KIRREL3: variants seen among roughly 807,000 people sequenced by gnomAD.
The protein encoded by KIRREL3 is kirre like nephrin family adhesion molecule 3, also known as kin of IRRE-like protein 3.
In KIRREL3, 36 loss-of-function variants were observed where a neutral mutation model predicts 89.7. That is an observed-to-expected ratio of 0.40 (90% CI 0.31 to 0.53). The LOEUF is 0.53. Among genes scored for constraint, KIRREL3 ranks in the 20% least tolerant of loss-of-function variants. KIRREL3 has a pLI of 0.49. For missense variants in KIRREL3, 864 were observed against 1,056.6 expected (o/e 0.82, Z 2.53); for synonymous variants, 445 against 441.4 (o/e 1.01, Z -0.10).
rs1241091253 is a variant in KIRREL3 at position 126,605,743 on chromosome 11, G to A, written c.56-42831C>T. 6.6e-6 allele frequency among the ~76,000 whole-genome samples: 1 copy of A among 152,260 alleles called. No homozygotes were observed. The highest frequency in any genetic ancestry group is 1.5e-5 in the Non-Finnish European group (1 of 68,050). On this transcript the variant is annotated intron_variant, in intron 1 of 16. Coordinates refer to ENST00000525144, the MANE Select transcript of KIRREL3 (RefSeq NM_032531.4). This position sits in a 1 kb window ranked among gnomAD's most constrained non-coding sequence, Gnocchi z 5.7. ...CGCCTGAGTTGAGTAGGGATGCTGG[G>A]AGTGGGAATGGGGTGGGGAAAGCAT...
chr11:126,637,445 C>T (rs1375676509), intron 1 of KIRREL3, among the ~76,000 whole-genome samples: 1 of 152,186 alleles, frequency 6.6e-6, no homozygotes, highest in Non-Finnish European at 1.5e-5. Flanking sequence ...TATGGGTCAG[C>T]CTCTGGGTAC....
chr11:126,488,964 T>C (rs1479512425), intron 4 of KIRREL3, among the ~76,000 whole-genome samples: 1 of 152,246 alleles, frequency 6.6e-6, no homozygotes, highest in Non-Finnish European at 1.5e-5. Context: ...CCTGGATCTG[T>C]GGCTCTCTCC....
At chr11:126,442,313 AACACACACACACACACAC>A (rs71984147) in intron 10 of KIRREL3, among the ~76,000 whole-genome samples, 4 of 136,550 alleles carry the variant, frequency 2.9e-5, no homozygotes, top group South Asian at 2.5e-4. Context: ...AGACACACAA[AACACACACACACACACAC>A]ACACACACAC....
At chr11:126,436,221 A>G (rs1955330107) in intron 12 of KIRREL3, among the ~76,000 whole-genome samples, 1 of 152,044 alleles carries the variant, frequency 6.6e-6, no homozygotes, top group African/African-American at 2.4e-5. Context: ...ACAGGGGTCC[A>G]TGTGCCTCCT....
rs757321179 is a variant in KIRREL3, at chr11:126,668,757, T to TTTC, written c.56-105848_56-105846dup. 2.8e-5 allele frequency among the ~76,000 whole-genome samples: 3 copies of TTTC among 105,714 alleles called. No homozygotes were observed. The highest frequency in any genetic ancestry group is 2.2e-4 in the Admixed American group (2 of 9,256). 69.4% of individuals were successfully genotyped at this position (105,714 alleles called of 152,430 possible). On this transcript the variant is annotated intron_variant, in intron 1 of 16. Coordinates refer to ENST00000525144, the MANE Select transcript of KIRREL3 (RefSeq NM_032531.4). This position sits in a 1 kb window ranked among gnomAD's most constrained non-coding sequence, Gnocchi z 4.4. ...TCTTTCTTTCTTTCTTTCTTTCTTT[T>TTTC]TTCTCTTTCTTTCTTTCAAAAAAGT... is the stretch of plus-strand genomic sequence containing the variant.
chr11:126,893,032 C>T (rs992584903), intron 1 of KIRREL3, among the ~76,000 whole-genome samples: 1 of 152,150 alleles, frequency 6.6e-6, no homozygotes, highest in East Asian at 1.9e-4. Flanking sequence ...GTCGTAATTT[C>T]CCCCGTTGTT....
rs923077459 is a variant in KIRREL3 at position 126,656,812 on chromosome 11, G to A, written c.56-93900C>T. Among the ~76,000 whole-genome samples, 23 of 152,188 alleles carry A rather than the reference G, an allele frequency of 1.5e-4. No homozygotes were observed. The highest frequency in any genetic ancestry group is 5.5e-4 in the African/African-American group (23 of 41,452). ...CATGCCTGTGGTCCCAGCACTTTGG[G>A]AGGCCAAGGTGTGTGCATCGCTTGG... On this transcript the variant is annotated intron_variant, in intron 1 of 16. Transcript: ENST00000525144. The surrounding 1 kb of genome is among the most constrained non-coding windows in gnomAD (Gnocchi z 4.0).
Position 126,635,676 on chromosome 11 carries a change from A to G in KIRREL3, c.56-72764T>C, listed in dbSNP as rs780321039. Among the ~76,000 whole-genome samples, 5 of 152,150 alleles carry G rather than the reference A, an allele frequency of 3.3e-5. No homozygotes were observed. The highest frequency in any genetic ancestry group is 7.4e-5 in the Non-Finnish European group (5 of 68,022). Reference sequence around the variant, plus strand: ...AAGATGTGGCTTTGACCCCAGCTGGATATCTGCTCACGTCATCAAAGCTCT... The same window carrying G: ...AAGATGTGGCTTTGACCCCAGCTGGGTATCTGCTCACGTCATCAAAGCTCT... On this transcript the variant is annotated intron_variant, in intron 1 of 16. Coordinates refer to ENST00000525144, the MANE Select transcript of KIRREL3 (RefSeq NM_032531.4). The surrounding 1 kb of genome is among the most constrained non-coding windows in gnomAD (Gnocchi z 4.0).
intron 1 of KIRREL3, among the ~76,000 whole-genome samples, chr11:126,913,505 T>C (rs1381178901): frequency 6.6e-6 from 1 of 152,186 alleles, no homozygotes; most frequent in Non-Finnish European, 1.5e-5. Flanking sequence ...CTTGCCCAGC[T>C]TGCAGCTGGC....
At chr11:126,869,154 CT>C (rs36033176) in intron 1 of KIRREL3, among the ~76,000 whole-genome samples, 62,400 of 121,078 alleles carry the variant, frequency 0.52, 14,945 homozygotes, top group Admixed American at 0.54. Flanking sequence ...TGCCTGAGGG[CT>C]TTTTTTTTTT....
intron 1 of KIRREL3, among the ~76,000 whole-genome samples, chr11:126,792,784 TA>T (rs1950686569): frequency 6.6e-6 from 1 of 152,210 alleles, no homozygotes; most frequent in African/African-American, 2.4e-5. Context: ...TATAAAGTCT[TA>T]ATCCAGTTTT....
intron 1 of KIRREL3, among the ~76,000 whole-genome samples, chr11:126,580,836 GTTT>G (rs58691243): frequency 1.4e-5 from 2 of 140,810 alleles, no homozygotes; most frequent in African/African-American, 5.3e-5. Context: ...GGAATTTCCT[GTTT>G]TTTTTTTTTT....
rs1946520380 is a variant in KIRREL3 at position 126,682,851 on chromosome 11, G to A, written c.56-119939C>T. On this transcript the variant is annotated intron_variant, in intron 1 of 16. Transcript: ENST00000525144. This position sits in a 1 kb window ranked among gnomAD's most constrained non-coding sequence, Gnocchi z 4.8. ...GTAGTCTGGTTCCTAACAGGCTGAG[G>A]ACCGGTACCCCGGGGCTGGGGATCC... Among the ~76,000 whole-genome samples the A allele has an allele frequency of 6.6e-6, 1 of 152,108 alleles. No individual in the cohort carries two copies. Among genetic ancestry groups the A allele is most frequent in the Admixed American group, 6.5e-5 (1 of 15,276 alleles).
At chr11:126,469,158 C>T (rs923259689) in intron 5 of KIRREL3, among the ~76,000 whole-genome samples, 10 of 152,212 alleles carry the variant, frequency 6.6e-5, no homozygotes, top group African/African-American at 1.9e-4. Context: ...GGTGAGGTCA[C>T]GCAGCTGGAA....
chr11:126,777,183 C>A (rs143593244), intron 1 of KIRREL3, among the ~76,000 whole-genome samples: 8 of 152,038 alleles, frequency 5.3e-5, no homozygotes, highest in Non-Finnish European at 1.0e-4. Flanking sequence ...TTATCATGAC[C>A]GAGGGATGCT....
intron 1 of KIRREL3, among the ~76,000 whole-genome samples, chr11:126,775,139 C>T (rs1277974073): frequency 1.3e-5 from 2 of 152,134 alleles, no homozygotes; most frequent in Admixed American, 1.3e-4. Context: ...AACAGTTTCC[C>T]CTTCTTAGAC....
rs73013471 is a variant in KIRREL3 at position 126,496,746 on chromosome 11, A to C, written c.434-23280T>G. Among the ~76,000 whole-genome samples the C allele has an allele frequency of 6.6e-6, 1 of 151,952 alleles. No individual in the cohort carries two copies. The highest frequency in any genetic ancestry group is 1.5e-5 in the Non-Finnish European group (1 of 67,992). On this transcript the variant is annotated intron_variant, in intron 4 of 16. Transcript: ENST00000525144. The surrounding 1 kb of genome is among the most constrained non-coding windows in gnomAD (Gnocchi z 4.9). Reference sequence around the variant, plus strand: ...GAAATGTTGGAGGGCCTGCGTGCGAACTCAAGGCCTGAGGCTGTAGGCAGG... The same window carrying C: ...GAAATGTTGGAGGGCCTGCGTGCGACCTCAAGGCCTGAGGCTGTAGGCAGG...
rs1417474019 is a variant in KIRREL3, at chr11:126,953,861, G to GT, written c.55+46593dup. On this transcript the variant is annotated intron_variant, in intron 1 of 16. Transcript: ENST00000525144. This position sits in a 1 kb window ranked among gnomAD's most constrained non-coding sequence, Gnocchi z 5.2. ...TTCCCTGGTGTTATTAGTTGTTTGG[G>GT]TTTTTCTCTGCCTACCACCCGCTTA... Among the ~76,000 whole-genome samples, 5 of 152,068 alleles carry GT rather than the reference G, an allele frequency of 3.3e-5. No individual in the cohort carries two copies. The highest frequency in any genetic ancestry group is 6.6e-5 in the Admixed American group (1 of 15,252).
Position 126,870,148 on chromosome 11 carries a change from G to C in KIRREL3, c.55+130307C>G, listed in dbSNP as rs1385079286. Among the ~76,000 whole-genome samples the C allele has an allele frequency of 5.3e-5, 8 of 152,202 alleles. No individual in the cohort carries two copies. The highest frequency in any genetic ancestry group is 1.9e-4 in the African/African-American group (8 of 41,434). On this transcript the variant is annotated intron_variant, in intron 1 of 16. Coordinates refer to ENST00000525144, the MANE Select transcript of KIRREL3 (RefSeq NM_032531.4). The surrounding 1 kb of genome is among the most constrained non-coding windows in gnomAD (Gnocchi z 4.4). ...AATGACCAGGAGTGAGTGTGGGCGA[G>C]TGTGGGGCACAGGGTCGTATGTCCT...
Sources: gnomAD v4.1 joint callset for allele counts (sites outside exome capture counted in the v4.1 genomes callset) on GRCh38, gnomAD v4.1.1 for gene constraint, Gnocchi (gnomAD v3.1) non-coding constraint, MANE v1.5 for transcripts, NCBI Gene and HGNC (gene_info 2026-07-23, HGNC 2026-07-21) for gene names.